Variants in MACF1 observed in about 807,000 individuals in gnomAD.
MACF1 encodes the protein microtubule-actin cross-linking factor 1.
Under a neutral mutation model 854.8 loss-of-function variants are expected in MACF1, and 193 were observed. The ratio of observed to expected loss-of-function variants is 0.23; its 90% CI spans 0.20 to 0.25. MACF1 has a LOEUF of 0.25. Among genes scored for constraint, MACF1 ranks in the 10% least tolerant of loss-of-function variants. The pLI is 1.00. For synonymous variants in MACF1, 3,185 were observed against 3,226.7 expected (o/e 0.99, Z 0.44); for missense variants, 7,722 against 8,929.1 (o/e 0.86, Z 5.45).
intron 50 of MACF1, among the ~76,000 whole-genome samples, chr1:39,369,403 C>T (rs908418683): frequency 6.6e-6 from 1 of 152,166 alleles, no homozygotes; most frequent in African/African-American, 2.4e-5. Context: ...ACATTATTAG[C>T]AGCAGGTTAT....
Position 39,334,315 on chromosome 1 carries a change from A to G in MACF1, c.7727A>G (p.Glu2576Gly), listed in dbSNP as rs1287358111. Reference sequence around the variant, plus strand: ...TCAGACCTGAAAAGAGAAATCCAGGAGGTTCAGGCCTTTACTGGAAACTTT... The same window carrying G: ...TCAGACCTGAAAAGAGAAATCCAGGGGGTTCAGGCCTTTACTGGAAACTTT... ...ITSDLKREIQ[E>G]VQAFTGNFVD... is the part of the protein sequence containing the mutation. Residue 2576 changes from glutamate to glycine, a missense_variant, in exon 37 of 101, where the codon GAG (glutamate) becomes GGG (glycine). By Grantham distance (98) the Glu-to-Gly change is moderately conservative. Coordinates refer to ENST00000564288, the MANE Select transcript of MACF1 (RefSeq NM_001394062.1). 5.0e-6 allele frequency: 8 copies of G among 1,614,152 alleles called. No individual in the cohort carries two copies. Among genetic ancestry groups the G allele is most frequent in the Non-Finnish European group, 6.8e-6 (8 of 1,179,992 alleles).
chr1:39,091,765 G>A (rs2148121489), intron 2 of MACF1, among the ~76,000 whole-genome samples: 1 of 152,238 alleles, frequency 6.6e-6, no homozygotes, highest in East Asian at 1.9e-4. Flanking sequence ...CTCCCAAAGT[G>A]CTGGGATTAC....
At chr1:39,364,386 A>C (rs75294385) in intron 49 of MACF1, among the ~76,000 whole-genome samples, 1 of 134,446 alleles carries the variant, frequency 7.4e-6, no homozygotes, top group East Asian at 2.2e-4. Context: ...TTTTTTTTTT[A>C]GAGTTCTTAT....
intron 36 of MACF1, among the ~76,000 whole-genome samples, chr1:39,330,880 C>A (rs1242353768): frequency 6.6e-6 from 1 of 151,414 alleles, no homozygotes; most frequent in African/African-American, 2.4e-5. Context: ...CAGCTCACTA[C>A]AACCTCCACC....
intron 24 of MACF1, 91 bp downstream of exon 24, chr1:39,309,787 C>A: frequency 7.1e-7 from 1 of 1,413,596 alleles, no homozygotes; most frequent in African/African-American, 1.4e-5. Flanking sequence ...CTTTTCCCCA[C>A]CCAAATGGAG....
chr1:39,419,059 A>C (rs1469787041), intron 58 of MACF1, among the ~76,000 whole-genome samples: 1 of 152,206 alleles, frequency 6.6e-6, no homozygotes, highest in Non-Finnish European at 1.5e-5. Flanking sequence ...TGAAATACTA[A>C]GGAGTAGGAA....
rs772538956 is a variant in MACF1 at position 39,283,532 on chromosome 1, C to G, written c.915+17C>G. On this transcript the variant is annotated intron_variant, in intron 9 of 100. Transcript: ENST00000564288. The surrounding 1 kb of genome is among the most constrained non-coding windows in gnomAD (Gnocchi z 4.5). Reference sequence around the variant, plus strand: ...AGTGCTACGGTAAAAGAACATTTTCCTAGAAGGCCTTCTGACTTTGATTCA... The same window carrying G: ...AGTGCTACGGTAAAAGAACATTTTCGTAGAAGGCCTTCTGACTTTGATTCA... 2 of 1,541,100 alleles carry G rather than the reference C, an allele frequency of 1.3e-6. No homozygotes were observed. The highest frequency in any genetic ancestry group is 1.8e-6 in the Non-Finnish European group (2 of 1,114,006).
Position 39,285,593 on chromosome 1 carries a change from T to C in MACF1, c.1354-11T>C. On this transcript the variant is annotated splice_polypyrimidine_tract_variant and intron_variant, in intron 13 of 100. Coordinates refer to ENST00000564288, the MANE Select transcript of MACF1 (RefSeq NM_001394062.1). ...AAGTTTTCCCACTGTTATTCTCTCTTCCTGTCTCAGGATGCTGCTCACCTG... is the reference window on the plus strand; with the variant it reads ...AAGTTTTCCCACTGTTATTCTCTCTCCCTGTCTCAGGATGCTGCTCACCTG... 6 of 1,612,540 alleles carry C rather than the reference T, an allele frequency of 3.7e-6. No homozygotes were observed. The highest frequency in any genetic ancestry group is 4.2e-6 in the Non-Finnish European group (5 of 1,178,696).
In MACF1 at chr1:39,322,591, A is replaced by C; in HGVS notation, c.4030-17A>C. On this transcript the variant is annotated splice_polypyrimidine_tract_variant and intron_variant, in intron 31 of 100. Transcript: ENST00000564288. ...ATAAAACCCTGAGTAACTGTAGCGA[A>C]ATTCATCCTTTCCTAGGACTATGAA... 1 of 1,594,762 alleles carries C rather than the reference A, an allele frequency of 6.3e-7. No individual in the cohort carries two copies. The highest frequency in any genetic ancestry group is 1.1e-5 in the South Asian group (1 of 90,654).
intron 33 of MACF1, among the ~76,000 whole-genome samples, chr1:39,323,363 C>T (rs1044238595): frequency 4.6e-5 from 7 of 151,400 alleles, no homozygotes; most frequent in African/African-American, 7.3e-5. Context: ...CCACATACCC[C>T]GTAAATATAT....
chr1:39,380,136 C>T, intron 54 of MACF1, 108 bp from the exon 55 acceptor site: 1 of 1,069,052 alleles, frequency 9.4e-7, no homozygotes, highest in Non-Finnish European at 1.4e-6. Flanking sequence ...TTGATAGGAT[C>T]CTAGTAGAGT....
intron 2 of MACF1, among the ~76,000 whole-genome samples, chr1:39,186,212 CTCTGTGTGTGTGTGTG>C (rs1314802685): frequency 7.6e-4 from 61 of 80,058 alleles, no homozygotes; most frequent in South Asian, 1.8e-3. Context: ...CTCTCTCTCT[CTCTGTGTGTGTGTGTG>C]TGTGTGTGTG....
At chr1:39,430,166 T>C (rs566786739) in intron 65 of MACF1, 98 bp downstream of exon 65, 12 of 1,326,620 alleles carry the variant, frequency 9.0e-6, no homozygotes, top group Middle Eastern at 1.9e-4. Flanking sequence ...ACTAAAAATA[T>C]GTGCCCCCTT....
chr1:39,190,317 C>A (rs1199072272), intron 2 of MACF1, among the ~76,000 whole-genome samples: 3 of 150,234 alleles, frequency 2.0e-5, no homozygotes, highest in Non-Finnish European at 1.5e-5. Flanking sequence ...CCGCCCCTCT[C>A]CTCTCTCTTC....
intron 58 of MACF1, chr1:39,411,895 G>C: frequency 6.2e-7 from 1 of 1,613,908 alleles, no homozygotes; most frequent in Non-Finnish European, 8.5e-7. Context: ...TAATACCCTG[G>C]ATTCTTCTCA....
At chr1:39,324,404 G>A in intron 34 of MACF1, 59 bp downstream of exon 34, 7 of 1,575,870 alleles carry the variant, frequency 4.4e-6, no homozygotes, top group East Asian at 4.5e-5. Flanking sequence ...AATACATTAG[G>A]TGGAATAGTA....
At chr1:39,255,280 C>T (rs1046897370) in intron 5 of MACF1, among the ~76,000 whole-genome samples, 1 of 152,048 alleles carries the variant, frequency 6.6e-6, no homozygotes, top group African/African-American at 2.4e-5. Context: ...AGTGGTGTGG[C>T]CATCTTTGAA....
At chr1:39,241,943 C>A (rs1644929026) in intron 2 of MACF1, among the ~76,000 whole-genome samples, 1 of 152,074 alleles carries the variant, frequency 6.6e-6, no homozygotes, top group Non-Finnish European at 1.5e-5. Flanking sequence ...CTTTAAAGTC[C>A]CTTTGGGCTA....
At chr1:39,411,490 A>C (rs748134966) in intron 58 of MACF1, 1 of 1,613,556 alleles carries the variant, frequency 6.2e-7, no homozygotes, top group Non-Finnish European at 8.5e-7. Flanking sequence ...CCAGTTGGCT[A>C]CTGTTCCCAA....
Sources: gnomAD v4.1 joint callset for allele counts (sites outside exome capture counted in the v4.1 genomes callset) on GRCh38, gnomAD v4.1.1 for gene constraint, Gnocchi (gnomAD v3.1) non-coding constraint, MANE v1.5 for transcripts, NCBI Gene and HGNC (gene_info 2026-07-23, HGNC 2026-07-21) for gene names.